Variants in PRKCE observed in about 807,000 individuals in gnomAD.
The protein encoded by PRKCE is protein kinase C epsilon, also known as protein kinase C epsilon type.
In PRKCE, 16 loss-of-function variants were observed where a neutral mutation model predicts 85.4. The ratio of observed to expected loss-of-function variants is 0.19; its 90% CI spans 0.13 to 0.28. The LOEUF (loss-of-function observed/expected upper bound fraction) is 0.28, where lower values mean the gene tolerates loss of function less well. Ranked by LOEUF, PRKCE falls within the 10% of genes least tolerant of loss-of-function variation. PRKCE has a pLI of 1.00. For missense variants in PRKCE, 573 were observed against 975.2 expected (o/e 0.59, Z 5.49); for synonymous variants, 388 against 371.5 (o/e 1.04, Z -0.51).
At chr2:46,109,192 A>C (rs185810328) in intron 11 of PRKCE, among the ~76,000 whole-genome samples, 1 of 152,210 alleles carries the variant, frequency 6.6e-6, no homozygotes, top group East Asian at 1.9e-4. Flanking sequence ...TTGCTTTTCC[A>C]TACACATTTT....
At position 45,720,110 on chromosome 2, in the gene PRKCE, C is replaced by G. The variant is rs539331864; in HGVS notation, c.348+67662C>G. ...GCTGCATCCTTCTTCTCTGATGGAG[C>G]TATGGGCTGCTTGCCAGGGACAGAG... On this transcript the variant is annotated intron_variant, in intron 1 of 14. Coordinates refer to ENST00000306156, the MANE Select transcript of PRKCE (RefSeq NM_005400.3). 3.9e-5 allele frequency among the ~76,000 whole-genome samples: 6 copies of G among 152,210 alleles called. No homozygotes were observed. The East Asian group carries it at 1.2e-3, about 29-fold the overall frequency.
At chr2:46,180,133 T>A (rs992387382) in intron 14 of PRKCE, among the ~76,000 whole-genome samples, 5 of 152,010 alleles carry the variant, frequency 3.3e-5, no homozygotes, top group Non-Finnish European at 7.4e-5. Context: ...TTAGGAGAGA[T>A]GGTGAGGGCA....
intron 13 of PRKCE, among the ~76,000 whole-genome samples, chr2:46,156,714 T>G (rs1215966550): frequency 1.3e-5 from 2 of 152,242 alleles, no homozygotes; most frequent in Non-Finnish European, 2.9e-5. Flanking sequence ...GTCCAACTTT[T>G]CAAATTCTGT....
chr2:45,652,541 T>C lies in PRKCE; in HGVS notation c.348+93T>C, dbSNP rs1403000677. 1 of 1,215,168 alleles carries C rather than the reference T, an allele frequency of 8.2e-7. No individual in the cohort carries two copies. The highest frequency in any genetic ancestry group is 1.1e-6 in the Non-Finnish European group (1 of 888,048). The allele number at this position is 1,215,168 out of a possible 1,614,324, so 75.3% of individuals were successfully genotyped here. The stretch of plus-strand genomic sequence containing the variant: ...CTTGATCGTAGGGCTCCGGGACTTA[T>C]TGACGACTGGGGTGTGTGTGCCTGT... On this transcript the variant is annotated intron_variant, in intron 1 of 14. Transcript: ENST00000306156. This position sits in a 1 kb window ranked among gnomAD's most constrained non-coding sequence, Gnocchi z 7.7.
At chr2:45,989,742 A>C (rs1034588056) in intron 6 of PRKCE, among the ~76,000 whole-genome samples, 1 of 152,012 alleles carries the variant, frequency 6.6e-6, no homozygotes, top group Admixed American at 6.5e-5. Context: ...TCAGTCCTTT[A>C]CTATTTTTAA....
chr2:45,685,088 A>C (rs983760319), intron 1 of PRKCE, among the ~76,000 whole-genome samples: 3 of 152,216 alleles, frequency 2.0e-5, no homozygotes, highest in Admixed American at 6.5e-5. Flanking sequence ...GACGAGAATA[A>C]AAGGGCACTT....
At chr2:45,954,096 A>T (rs895452874) in intron 2 of PRKCE, among the ~76,000 whole-genome samples, 1 of 152,224 alleles carries the variant, frequency 6.6e-6, no homozygotes, top group African/African-American at 2.4e-5. Flanking sequence ...AGTTCTTGGA[A>T]TAAAACAAAT....
intron 10 of PRKCE, among the ~76,000 whole-genome samples, chr2:46,084,687 A>C (rs1669413412): frequency 6.9e-6 from 1 of 144,162 alleles, no homozygotes; most frequent in Non-Finnish European, 1.5e-5. Flanking sequence ...GCACCACTGC[A>C]CTCCAGCCTA....
intron 14 of PRKCE, among the ~76,000 whole-genome samples, chr2:46,171,510 A>G (rs1678893512): frequency 6.6e-6 from 1 of 152,178 alleles, no homozygotes; most frequent in African/African-American, 2.4e-5. Context: ...GCAGTTCATC[A>G]TGGGAGGCAG....
intron 1 of PRKCE, among the ~76,000 whole-genome samples, chr2:45,784,013 ACACT>A (rs1467214325): frequency 1.3e-5 from 2 of 152,264 alleles, no homozygotes; most frequent in African/African-American, 4.8e-5. Flanking sequence ...AGTCACACAC[ACACT>A]CACCCACTAG....
chr2:45,814,097 G>T (rs779698912), intron 1 of PRKCE, among the ~76,000 whole-genome samples: 21 of 152,072 alleles, frequency 1.4e-4, no homozygotes, highest in Non-Finnish European at 2.4e-4. Flanking sequence ...GAGGGATTTG[G>T]CTAGGTGAGT....
chr2:46,095,732 G>A (rs1426222694), intron 11 of PRKCE, among the ~76,000 whole-genome samples: 1 of 152,158 alleles, frequency 6.6e-6, no homozygotes, highest in African/African-American at 2.4e-5. Context: ...ACATTGTGTT[G>A]CATTCTTTTC....
chr2:46,061,921 A>G (rs1574367376), intron 10 of PRKCE, among the ~76,000 whole-genome samples: 1 of 146,110 alleles, frequency 6.8e-6, no homozygotes, highest in East Asian at 2.0e-4. Context: ...CAGTGGCACA[A>G]TCTCGGCTCA....
intron 1 of PRKCE, among the ~76,000 whole-genome samples, chr2:45,780,168 C>G (rs1686070536): frequency 6.6e-6 from 1 of 152,208 alleles, no homozygotes; most frequent in African/African-American, 2.4e-5. Flanking sequence ...AATTTTTCCA[C>G]TTGTCTCATA....
intron 2 of PRKCE, among the ~76,000 whole-genome samples, chr2:45,957,953 T>A (rs1367431656): frequency 2.0e-5 from 3 of 147,224 alleles, no homozygotes; most frequent in Non-Finnish European, 4.5e-5. Flanking sequence ...CCTGGTCACA[T>A]CATCCCTAAA....
intron 13 of PRKCE, among the ~76,000 whole-genome samples, chr2:46,154,145 C>A (rs1345977380): frequency 6.6e-6 from 1 of 152,216 alleles, no homozygotes; most frequent in East Asian, 1.9e-4. Context: ...GCAGGGCTAA[C>A]CCTCGGAGGA....
At chr2:46,135,710 G>GA (rs1165472278) in intron 11 of PRKCE, among the ~76,000 whole-genome samples, 2 of 113,588 alleles carry the variant, frequency 1.8e-5, no homozygotes, top group Non-Finnish European at 1.7e-5. Flanking sequence ...TGGAGAACTT[G>GA]AAAAAAATTT....
intron 10 of PRKCE, among the ~76,000 whole-genome samples, chr2:46,074,339 A>G (rs1348245232): frequency 6.7e-6 from 1 of 148,810 alleles, no homozygotes; most frequent in African/African-American, 2.5e-5. Context: ...TTTAATATCG[A>G]TGTGGGCATG....
chr2:45,840,320 C>G (rs540204298), intron 1 of PRKCE: 1 of 152,334 alleles, frequency 6.6e-6, no homozygotes, highest in East Asian at 1.9e-4. Flanking sequence ...GGAGAAGATT[C>G]TGGTTTGGCT....
Sources: allele counts gnomAD v4.1 joint callset (sites outside exome capture counted in the v4.1 genomes callset), GRCh38; gene constraint gnomAD v4.1.1; non-coding constraint Gnocchi (gnomAD v3.1); transcripts MANE v1.5; gene names NCBI Gene and HGNC (gene_info 2026-07-23, HGNC 2026-07-21).